The following TMEM87B variants were observed in gnomAD, a reference collection of about 807,000 sequenced individuals.
TMEM87B encodes the protein transmembrane protein 87B.
TMEM87B carries 83 observed loss-of-function variants against 80.3 expected under a neutral mutation model. The observed-to-expected ratio is 1.03, with a 90% CI of 0.87 to 1.24. The LOEUF (loss-of-function observed/expected upper bound fraction) is 1.24. Ranked by LOEUF, TMEM87B falls within the 50% of genes most tolerant of loss-of-function variation. The pLI, the probability that TMEM87B is intolerant of heterozygous loss-of-function variation, is 0.00. For missense variants in TMEM87B, 625 were observed against 674.4 expected, an observed-to-expected ratio of 0.93 and a Z score of 0.81; for synonymous variants, 219 against 230.5, an observed-to-expected ratio of 0.95 and a Z score of 0.45.
chr2:112,085,417 G>GT (rs1259072006), intron 8 of TMEM87B, among the ~76,000 whole-genome samples: 1 of 151,956 alleles, frequency 6.6e-6, no homozygotes, highest in Non-Finnish European at 1.5e-5. Flanking sequence ...CTTTTTCTGA[G>GT]TTTTTCAGGA....
chr2:112,075,095 T>C, intron 5 of TMEM87B, 133 bp downstream of exon 5: 1 of 1,377,146 alleles, frequency 7.3e-7, no homozygotes, highest in Non-Finnish European at 9.5e-7. Flanking sequence ...AAAGGAAACA[T>C]TATTTAAAAC....
chr2:112,107,357 C>CAAAAAA, intron 16 of TMEM87B, among the ~76,000 whole-genome samples: 1 of 83,962 alleles, frequency 1.2e-5, no homozygotes, highest in Non-Finnish European at 2.3e-5. Context: ...GACTCTGTCT[C>CAAAAAA]AAAAAAAAAA....
chr2:112,062,050 G>T (rs1441934949), intron 2 of TMEM87B, among the ~76,000 whole-genome samples: 1 of 152,138 alleles, frequency 6.6e-6, no homozygotes, highest in African/African-American at 2.4e-5. Context: ...TCCAGTTTAC[G>T]GTTTCTGTTC....
At chr2:112,067,097 T>C (rs1678458848) in intron 4 of TMEM87B, 30 bp downstream of exon 4, 1 of 1,602,774 alleles carries the variant, frequency 6.2e-7, no homozygotes, top group Non-Finnish European at 8.5e-7. Context: ...TGTTAAAGTT[T>C]ATTTTATTCC....
In TMEM87B at chr2:112,097,108, C is replaced by T; in HGVS notation, c.1169C>T (p.Ser390Leu). 1 of 1,609,136 alleles carries T rather than the reference C, an allele frequency of 6.2e-7. No homozygotes were observed. The highest frequency in any genetic ancestry group is 8.5e-7 in the Non-Finnish European group (1 of 1,178,544). The stretch of plus-strand genomic sequence containing the variant: ...CTAAGAAAGAACACTGTGAAATTTT[C>T]ATTATATAGACATTTTAAAAATACT... ...LRLRKNTVKF[S>L]LYRHFKNTLI... Residue 390 changes from serine (S) to leucine (L), a missense_variant, in exon 12 of 19, where the codon TCA becomes TTA. Ser to Leu is a moderately radical substitution (Grantham distance 145, BLOSUM62 -2). Coordinates refer to ENST00000283206, the MANE Select transcript of TMEM87B (RefSeq NM_032824.3).
At chr2:112,066,662 A>G (rs573739428) in intron 3 of TMEM87B, among the ~76,000 whole-genome samples, 2 of 152,304 alleles carry the variant, frequency 1.3e-5, no homozygotes, top group East Asian at 3.9e-4. Context: ...GAACTATTTC[A>G]TTGTAGTATC....
chr2:112,065,148 A>G (rs550237554), intron 3 of TMEM87B, among the ~76,000 whole-genome samples: 1 of 152,166 alleles, frequency 6.6e-6, no homozygotes, highest in South Asian at 2.1e-4. Context: ...CTGTATTGTT[A>G]TTAGTATTAT....
chr2:112,101,322 G>A (rs1398363834), intron 15 of TMEM87B, among the ~76,000 whole-genome samples: 1 of 151,822 alleles, frequency 6.6e-6, no homozygotes, highest in African/African-American at 2.4e-5. Flanking sequence ...ATAGAAAACA[G>A]GAAAACAAAT....
intron 4 of TMEM87B, among the ~76,000 whole-genome samples, chr2:112,072,597 T>C (rs935032983): frequency 6.6e-6 from 1 of 152,206 alleles, no homozygotes; most frequent in African/African-American, 2.4e-5. Context: ...CCTGTATTTC[T>C]GTGGGCTCAG....
chr2:112,078,887 G>T (rs1323232593), intron 6 of TMEM87B, among the ~76,000 whole-genome samples: 2 of 152,212 alleles, frequency 1.3e-5, no homozygotes, highest in Admixed American at 1.3e-4. Flanking sequence ...GTCTTGTTTG[G>T]TAGCTGGGAC....
chr2:112,106,212 T>C (rs903859725), intron 16 of TMEM87B, 137 bp downstream of exon 16: 8 of 603,366 alleles, frequency 1.3e-5, no homozygotes, highest in African/African-American at 7.6e-5. Context: ...TTATAAAAAT[T>C]AGTGTTGCCA....
At chr2:112,109,068 G>A (rs13391959) in intron 17 of TMEM87B, among the ~76,000 whole-genome samples, 3,378 of 152,226 alleles carry the variant, frequency 0.022, 34 homozygotes, top group African/African-American at 0.028. Context: ...GCCTTGCTGG[G>A]GACTAGTGTT....
intron 9 of TMEM87B, among the ~76,000 whole-genome samples, chr2:112,089,043 G>A (rs1158487546): frequency 2.0e-5 from 3 of 152,318 alleles, no homozygotes; most frequent in South Asian, 2.1e-4. Flanking sequence ...TTACAGGCAT[G>A]AGCCACTGCG....
At chr2:112,098,221 AAAT>A (rs1287572355) in intron 13 of TMEM87B, among the ~76,000 whole-genome samples, 1 of 152,176 alleles carries the variant, frequency 6.6e-6, no homozygotes, top group East Asian at 1.9e-4. Context: ...AGTGCCATAT[AAAT>A]AATCACAAAA....
chr2:112,056,341 C>T (rs1678059270), intron 1 of TMEM87B, among the ~76,000 whole-genome samples: 1 of 151,976 alleles, frequency 6.6e-6, no homozygotes, highest in African/African-American at 2.4e-5. Context: ...GTCACAGTTC[C>T]GGGAGAGAGA....
chr2:112,107,486 G>A (rs907585942), intron 16 of TMEM87B, among the ~76,000 whole-genome samples: 1 of 151,602 alleles, frequency 6.6e-6, no homozygotes, highest in African/African-American at 2.4e-5. Context: ...CAATATCCTT[G>A]CTATTTTCTA....
At chr2:112,087,607 G>A (rs1679186301) in intron 9 of TMEM87B, among the ~76,000 whole-genome samples, 1 of 152,120 alleles carries the variant, frequency 6.6e-6, no homozygotes, top group Admixed American at 6.5e-5. Flanking sequence ...AACTGTCCTA[G>A]TGCTCGGTTT....
chr2:112,101,193 A>C (rs1045453441), intron 15 of TMEM87B, among the ~76,000 whole-genome samples: 1 of 152,220 alleles, frequency 6.6e-6, no homozygotes, highest in African/African-American at 2.4e-5. Context: ...AACATCAATA[A>C]GTAACTCAGA....
chr2:112,098,165 G>A (rs977483882), intron 13 of TMEM87B, among the ~76,000 whole-genome samples: 3 of 152,126 alleles, frequency 2.0e-5, no homozygotes, highest in Admixed American at 6.5e-5. Flanking sequence ...CTTAGAATAT[G>A]AAAGGTCCTC....
Sources: allele counts gnomAD v4.1 joint callset (sites outside exome capture counted in the v4.1 genomes callset), GRCh38; gene constraint gnomAD v4.1.1; transcripts MANE v1.5; gene names NCBI Gene and HGNC (gene_info 2026-07-23, HGNC 2026-07-21).